LRRTM4: variants seen among roughly 807,000 people sequenced by gnomAD.
LRRTM4 encodes the protein leucine-rich repeat transmembrane neuronal protein 4.
Under a neutral mutation model 47.6 loss-of-function variants are expected in LRRTM4, and 25 were observed. The observed-to-expected ratio is 0.53, with a 90% CI of 0.38 to 0.73. LRRTM4 has a LOEUF of 0.73. Ranked by LOEUF, LRRTM4 falls within the 30% of genes least tolerant of loss-of-function variation. LRRTM4 has a pLI of 0.00. For missense variants in LRRTM4, 638 were observed against 713.4 expected (o/e 0.89, Z 1.20); for synonymous variants, 311 against 269.5 (o/e 1.15, Z -1.51).
chr2:77,037,143 T>G (rs17334527), intron 3 of LRRTM4, among the ~76,000 whole-genome samples: 18,643 of 151,738 alleles, frequency 0.12, 1,425 homozygotes, highest in Admixed American at 0.19. Context: ...TGTAATCATT[T>G]AGTTCACCAG....
intron 3 of LRRTM4, among the ~76,000 whole-genome samples, chr2:77,327,830 A>G (rs907709280): frequency 6.6e-6 from 1 of 152,196 alleles, no homozygotes; most frequent in Non-Finnish European, 1.5e-5. Context: ...GAAAAACAGA[A>G]TGAAAGAAAA....
Position 76,992,826 on chromosome 2 carries a change from A to AG in LRRTM4, c.1552-243911dup, listed in dbSNP as rs897597750. ...AACCAAGATAGCCAAAGAAATCCTG[A>AG]GGAAAAAAAAAAAAGCTGGGTGTAT... On this transcript the variant is annotated intron_variant, in intron 3 of 3. Coordinates refer to ENST00000409884, the MANE Select transcript of LRRTM4 (RefSeq NM_001134745.3). Among the ~76,000 whole-genome samples, 879 of 112,824 alleles carry AG rather than the reference A, an allele frequency of 7.8e-3. 13 individuals carry two copies. The highest frequency in any genetic ancestry group is 0.032 in the African/African-American group (838 of 25,802). The allele number at this position is 112,824 out of a possible 152,430, so 74.0% of individuals were successfully genotyped here. A position where few individuals can be genotyped will look rare whatever the true frequency, so the allele number is the denominator to read the frequency against.
chr2:77,188,591 T>TCATCCACACCCAAATATGATC (rs1205205918), intron 3 of LRRTM4, among the ~76,000 whole-genome samples: 1 of 152,196 alleles, frequency 6.6e-6, no homozygotes, highest in Admixed American at 6.6e-5. Context: ...TTTAGATGCT[T>TCATCCACACCCAAATATGATC]CATCCACACC....
intron 3 of LRRTM4, among the ~76,000 whole-genome samples, chr2:77,202,207 G>A (rs1159970679): frequency 2.0e-5 from 3 of 152,050 alleles, no homozygotes; most frequent in Admixed American, 2.0e-4. Context: ...AAATTTCTTT[G>A]GGAGTCCTGG....
At chr2:76,783,689 T>C (rs1217638465) in intron 3 of LRRTM4, among the ~76,000 whole-genome samples, 1 of 152,232 alleles carries the variant, frequency 6.6e-6, no homozygotes, top group African/African-American at 2.4e-5. Flanking sequence ...CTCAGGTTAC[T>C]GAATTTATGA....
chr2:77,214,121 A>G (rs897285997), intron 3 of LRRTM4, among the ~76,000 whole-genome samples: 1 of 152,174 alleles, frequency 6.6e-6, no homozygotes, highest in African/African-American at 2.4e-5. Context: ...AATTCATTCC[A>G]TTTTGCCTTT....
At chr2:76,899,492 A>G (rs1417625211) in intron 3 of LRRTM4, among the ~76,000 whole-genome samples, 1 of 152,148 alleles carries the variant, frequency 6.6e-6, no homozygotes, top group Non-Finnish European at 1.5e-5. Context: ...AACAAAGAAT[A>G]GAAAGAGGTG....
At chr2:76,989,953 T>C (rs1246645187) in intron 3 of LRRTM4, 2 of 151,814 alleles carry the variant, frequency 1.3e-5, no homozygotes, top group Non-Finnish European at 2.9e-5. Context: ...TATTTACTTA[T>C]ATTGTTAATC....
At chr2:76,924,639 A>C (rs1415869022) in intron 3 of LRRTM4, among the ~76,000 whole-genome samples, 1 of 151,740 alleles carries the variant, frequency 6.6e-6, no homozygotes, top group Admixed American at 6.6e-5. Context: ...TATATTATGA[A>C]ACAGTTTGAG....
intron 3 of LRRTM4, among the ~76,000 whole-genome samples, chr2:76,837,498 C>T (rs1671548559): frequency 6.6e-6 from 1 of 152,026 alleles, no homozygotes; most frequent in African/African-American, 2.4e-5. Flanking sequence ...ATCTTTCCTG[C>T]TTTCTCTTGT....
chr2:76,917,776 G>A (rs1674304362), intron 3 of LRRTM4, among the ~76,000 whole-genome samples: 1 of 152,120 alleles, frequency 6.6e-6, no homozygotes, highest in Non-Finnish European at 1.5e-5. Context: ...TTTTGTCCCT[G>A]ATACAAGTAG....
At chr2:77,507,964 G>T (rs933840749) in intron 3 of LRRTM4, among the ~76,000 whole-genome samples, 2 of 152,046 alleles carry the variant, frequency 1.3e-5, no homozygotes, top group South Asian at 2.1e-4. Flanking sequence ...AGAGAAGTAC[G>T]TACAAATCCA....
chr2:77,309,791 C>T lies in LRRTM4; in HGVS notation c.1551+208527G>A, dbSNP rs548006729. The stretch of plus-strand genomic sequence containing the variant: ...ACCACAGCAAAAAGCTAAAATAAAC[C>T]GTCCCATCTCCATAGTATGGAAGAT... On this transcript the variant is annotated intron_variant, in intron 3 of 3. Coordinates refer to ENST00000409884, the MANE Select transcript of LRRTM4 (RefSeq NM_001134745.3). 2.6e-5 allele frequency among the ~76,000 whole-genome samples: 4 copies of T among 152,190 alleles called. No individual in the cohort carries two copies. The East Asian group carries it at 7.7e-4, about 29-fold the overall frequency.
At chr2:76,957,398 T>C (rs1675709942) in intron 3 of LRRTM4, among the ~76,000 whole-genome samples, 1 of 151,720 alleles carries the variant, frequency 6.6e-6, no homozygotes, top group Non-Finnish European at 1.5e-5. Flanking sequence ...GTGAATGTCA[T>C]ATTATATGGT....
intron 3 of LRRTM4, among the ~76,000 whole-genome samples, chr2:77,412,105 T>C (rs932864614): frequency 6.6e-6 from 1 of 150,506 alleles, no homozygotes; most frequent in African/African-American, 2.4e-5. Flanking sequence ...GGCTGAGTTC[T>C]ACCTTTGATT....
chr2:77,120,120 G>A (rs537294128), intron 3 of LRRTM4, among the ~76,000 whole-genome samples: 22 of 151,736 alleles, frequency 1.4e-4, no homozygotes, highest in Non-Finnish European at 2.4e-4. Flanking sequence ...ATCATCATTC[G>A]AAAGGAAGGT....
At chr2:76,838,742 A>G (rs1671588875) in intron 3 of LRRTM4, among the ~76,000 whole-genome samples, 1 of 152,066 alleles carries the variant, frequency 6.6e-6, no homozygotes, top group South Asian at 2.1e-4. Flanking sequence ...TATTTGGATG[A>G]AATGATGCTC....
At chr2:77,261,679 T>C (rs1675922783) in intron 3 of LRRTM4, among the ~76,000 whole-genome samples, 1 of 152,090 alleles carries the variant, frequency 6.6e-6, no homozygotes, top group South Asian at 2.1e-4. Context: ...TAACTGATCA[T>C]GGTGGAGAGA....
chr2:77,203,420 A>G (rs1011284071), intron 3 of LRRTM4, among the ~76,000 whole-genome samples: 1 of 151,982 alleles, frequency 6.6e-6, no homozygotes, highest in African/African-American at 2.4e-5. Flanking sequence ...AGCACATACA[A>G]CTTGACACTG....
Sources: allele counts gnomAD v4.1 joint callset (sites outside exome capture counted in the v4.1 genomes callset), GRCh38; gene constraint gnomAD v4.1.1; transcripts MANE v1.5; gene names NCBI Gene and HGNC (gene_info 2026-07-23, HGNC 2026-07-21).